Variants in TMPRSS7 observed in about 807,000 individuals in gnomAD.
TMPRSS7 encodes transmembrane serine protease 7, also known as transmembrane protease serine 7.
TMPRSS7 carries 81 observed loss-of-function variants against 95.6 expected under a neutral mutation model. That is an observed-to-expected ratio of 0.85 (90% CI 0.71 to 1.02). The LOEUF (loss-of-function observed/expected upper bound fraction) is 1.02. TMPRSS7 is among the 50% of genes least tolerant of loss of function. The pLI is 0.00. For missense variants in TMPRSS7, 945 were observed against 955.2 expected (o/e 0.99, Z 0.14); for synonymous variants, 364 against 337.8 (o/e 1.08, Z -0.85).
At chr3:112,047,127 A>T (rs1473977813) in intron 6 of TMPRSS7, 115 bp downstream of exon 6, 1 of 663,868 alleles carries the variant, frequency 1.5e-6, no homozygotes, top group Admixed American at 2.2e-5. Flanking sequence ...AGTGACAGAA[A>T]TGCATTCAAA....
exon 3 of TMPRSS7, chr3:112,042,035 G>C: frequency 1.9e-6 from 3 of 1,551,616 alleles, no homozygotes; most frequent in Non-Finnish European, 2.6e-6. Context: ...CAGTGTCACG[G>C]ACTGTGCAGC....
intron 6 of TMPRSS7, chr3:112,047,299 T>C: frequency 1.6e-6 from 1 of 609,680 alleles, no homozygotes; most frequent in Non-Finnish European, 3.0e-6. Flanking sequence ...AAGTGTGCTC[T>C]TCCACTGTAT....
At chr3:112,051,299 T>C (rs1485374205) in intron 9 of TMPRSS7, among the ~76,000 whole-genome samples, 1 of 152,118 alleles carries the variant, frequency 6.6e-6, no homozygotes, top group East Asian at 1.9e-4. Flanking sequence ...AGAATATAAT[T>C]GTATTAGGTA....
intron 17 of TMPRSS7, 140 bp downstream of exon 17, chr3:112,079,018 T>C (rs2073747837): frequency 6.2e-6 from 6 of 968,716 alleles, no homozygotes; most frequent in Non-Finnish European, 7.4e-6. Context: ...TTATTTATCA[T>C]CCAATTGCCT....
intron 8 of TMPRSS7, among the ~76,000 whole-genome samples, 190 bp from the exon 9 acceptor site, chr3:112,050,481 C>A (rs2073330524): frequency 1.7e-5 from 2 of 117,904 alleles, no homozygotes; most frequent in Non-Finnish European, 1.7e-5. Context: ...AGAGAATAAG[C>A]ATTTTAGCTA....
At chr3:112,064,736 A>G (rs1334306742) in intron 12 of TMPRSS7, among the ~76,000 whole-genome samples, 1 of 152,170 alleles carries the variant, frequency 6.6e-6, no homozygotes, top group Non-Finnish European at 1.5e-5. Context: ...GGTGAAGACT[A>G]AGGTGTGGGG....
At chr3:112,074,528 C>G in intron 14 of TMPRSS7, 116 bp downstream of exon 14, 1 of 673,852 alleles carries the variant, frequency 1.5e-6, no homozygotes. Flanking sequence ...ATAGCCAAAA[C>G]AAGAATAGTA....
intron 13 of TMPRSS7, among the ~76,000 whole-genome samples, chr3:112,073,709 A>G (rs2073679741): frequency 6.6e-6 from 1 of 152,012 alleles, no homozygotes; most frequent in Non-Finnish European, 1.5e-5. Flanking sequence ...CTCTGATGGT[A>G]GTTTCTTTTG....
intron 10 of TMPRSS7, among the ~76,000 whole-genome samples, chr3:112,058,584 A>C (rs931356424): frequency 1.3e-5 from 2 of 152,334 alleles, no homozygotes; most frequent in Middle Eastern, 3.4e-3. Context: ...CACTTGTTGG[A>C]TAAATACTAT....
chr3:112,051,668 C>CATCTATCTATCT (rs5851813), intron 9 of TMPRSS7, among the ~76,000 whole-genome samples: 46 of 128,076 alleles, frequency 3.6e-4, no homozygotes, highest in South Asian at 8.4e-4. Context: ...ATCTATCTAT[C>CATCTATCTATCT]ATCTATCTAT....
intron 2 of TMPRSS7, among the ~76,000 whole-genome samples, chr3:112,038,977 T>C (rs2073179290): frequency 6.6e-6 from 1 of 152,210 alleles, no homozygotes; most frequent in African/African-American, 2.4e-5. Flanking sequence ...AAAAAATTAA[T>C]GGAATGCTAA....
At chr3:112,062,595 T>C (rs1230622426) in intron 11 of TMPRSS7, among the ~76,000 whole-genome samples, 3 of 152,214 alleles carry the variant, frequency 2.0e-5, no homozygotes, top group Non-Finnish European at 4.4e-5. Context: ...TTAGACCATG[T>C]CCTTCTTTGC....
intron 12 of TMPRSS7, among the ~76,000 whole-genome samples, chr3:112,065,542 T>G (rs1476868028): frequency 1.3e-5 from 2 of 152,228 alleles, no homozygotes; most frequent in Non-Finnish European, 2.9e-5. Context: ...TAATAAGGAC[T>G]GTTTTTTGGT....
chr3:112,042,808 C>T (rs1300038799), intron 3 of TMPRSS7, among the ~76,000 whole-genome samples: 1 of 152,200 alleles, frequency 6.6e-6, no homozygotes, highest in Non-Finnish European at 1.5e-5. Flanking sequence ...TCTCTGACTA[C>T]TCCCTTAGGT....
At chr3:112,073,341 G>T (rs113507951) in intron 13 of TMPRSS7, among the ~76,000 whole-genome samples, 1 of 151,870 alleles carries the variant, frequency 6.6e-6, no homozygotes, top group Non-Finnish European at 1.5e-5. Flanking sequence ...CAATCCACCC[G>T]CCTCAGCCTC....
chr3:112,044,076 T>C (rs557843359), intron 3 of TMPRSS7, among the ~76,000 whole-genome samples, 179 bp from the exon 4 acceptor site: 1 of 152,338 alleles, frequency 6.6e-6, no homozygotes, highest in African/African-American at 2.4e-5. Flanking sequence ...CTCAAGATTG[T>C]TGCAGGAAGA....
chr3:112,061,243 A>T (rs1447771395), intron 10 of TMPRSS7, among the ~76,000 whole-genome samples: 1 of 152,216 alleles, frequency 6.6e-6, no homozygotes, highest in Non-Finnish European at 1.5e-5. Flanking sequence ...GATGAGAGGT[A>T]AGAAAAAATA....
chr3:112,076,483 T>C (rs2073711067), intron 15 of TMPRSS7, among the ~76,000 whole-genome samples: 1 of 152,248 alleles, frequency 6.6e-6, no homozygotes, highest in Non-Finnish European at 1.5e-5. Context: ...CATTTGAATT[T>C]GGTAGTAGGA....
exon 17 of TMPRSS7, chr3:112,078,777 G>A (rs753159265): frequency 1.2e-6 from 2 of 1,614,072 alleles, no homozygotes. Flanking sequence ...GCAAGCGGAG[G>A]TAGAGCTCAT....
Sources: gnomAD v4.1 joint callset for allele counts (sites outside exome capture counted in the v4.1 genomes callset) on GRCh38, gnomAD v4.1.1 for gene constraint, MANE v1.5 for transcripts, NCBI Gene and HGNC (gene_info 2026-07-23, HGNC 2026-07-21) for gene names.